HMCN1: variants seen among roughly 807,000 people sequenced by gnomAD.
HMCN1 encodes the protein hemicentin-1.
Under a neutral mutation model 625.9 loss-of-function variants are expected in HMCN1, and 321 were observed. The ratio of observed to expected loss-of-function variants is 0.51; its 90% CI spans 0.47 to 0.56. The LOEUF (loss-of-function observed/expected upper bound fraction) is 0.56. Ranked by LOEUF, HMCN1 falls within the 20% of genes least tolerant of loss-of-function variation. HMCN1 has a pLI of 0.00. For missense variants in HMCN1, 6,588 were observed against 6,887.3 expected (o/e 0.96, Z 1.54); for synonymous variants, 2,425 against 2,417.6 (o/e 1.00, Z -0.09).
At chr1:185,939,982 G>T (rs1466571606) in intron 11 of HMCN1, among the ~76,000 whole-genome samples, 1 of 152,012 alleles carries the variant, frequency 6.6e-6, no homozygotes, top group Admixed American at 6.5e-5. Flanking sequence ...ATATTAAAAA[G>T]TTGAGCTCTA....
intron 63 of HMCN1, among the ~76,000 whole-genome samples, chr1:186,089,678 T>C (rs191182435): frequency 1.3e-5 from 2 of 152,108 alleles, no homozygotes; most frequent in East Asian, 3.9e-4. Context: ...TTTTACCAGA[T>C]TTTTATATAC....
chr1:186,126,102 A>G (rs1226571817), intron 82 of HMCN1, among the ~76,000 whole-genome samples: 2 of 152,136 alleles, frequency 1.3e-5, no homozygotes, highest in Non-Finnish European at 2.9e-5. Context: ...GGCAATGATA[A>G]GTATCTAGAG....
chr1:186,041,738 T>A (rs946475737), intron 40 of HMCN1, among the ~76,000 whole-genome samples: 7 of 152,152 alleles, frequency 4.6e-5, no homozygotes, highest in Non-Finnish European at 1.0e-4. Context: ...TCAGCCCACA[T>A]TCCAGTATAC....
intron 4 of HMCN1, among the ~76,000 whole-genome samples, chr1:185,879,975 T>C (rs745853857): frequency 6.6e-6 from 1 of 152,094 alleles, no homozygotes; most frequent in South Asian, 2.1e-4. Flanking sequence ...TAAAGAGAGA[T>C]GGTACAAGTC....
chr1:185,783,737 A>T (rs370836371), intron 1 of HMCN1, among the ~76,000 whole-genome samples: 1 of 152,236 alleles, frequency 6.6e-6, no homozygotes, highest in Admixed American at 6.5e-5. Context: ...CGGCCATGTG[A>T]GGTGTCAGTC....
At chr1:185,900,977 G>A in intron 4 of HMCN1, among the ~76,000 whole-genome samples, 1 of 151,848 alleles carries the variant, frequency 6.6e-6, no homozygotes, top group Non-Finnish European at 1.5e-5. Context: ...GGTAAATGTT[G>A]GTAGTTCCCA....
Position 185,734,919 on chromosome 1 carries a change from A to ACTGGCTTTTGTGTTTTGTGTT in HMCN1, c.140_141insCTGGCTTTTGTGTTTTGTGTT (p.Asp47_Val48insTrpLeuLeuCysPheValPhe). The ACTGGCTTTTGTGTTTTGTGTT allele has an allele frequency of 2.5e-6, 4 of 1,614,152 alleles. No homozygotes were observed. The highest frequency in any genetic ancestry group is 2.5e-6 in the Non-Finnish European group (3 of 1,180,018). Reference sequence around the variant, plus strand: ...GCCTCCACGTTGGCTTTTGTGTTTGATGTGACTGGTTCTATGTATGATGAT... The same window carrying ACTGGCTTTTGTGTTTTGTGTT: ...GCCTCCACGTTGGCTTTTGTGTTTGACTGGCTTTTGTGTTTTGTGTTTGTGACTGGTTCTATGTATGATGAT... On this transcript the variant is annotated inframe_insertion, in exon 1 of 107. Transcript: ENST00000271588.
intron 68 of HMCN1, among the ~76,000 whole-genome samples, chr1:186,100,050 G>A (rs1660314747): frequency 1.3e-5 from 2 of 152,038 alleles, no homozygotes; most frequent in Admixed American, 6.6e-5. Context: ...GCCTGGTCTA[G>A]CATGTGGCAG....
intron 103 of HMCN1, among the ~76,000 whole-genome samples, chr1:186,175,876 C>CAAAAAAAA (rs758445916): frequency 3.3e-4 from 25 of 76,066 alleles, no homozygotes; most frequent in Middle Eastern, 7.4e-3. Context: ...AACTATGTCT[C>CAAAAAAAA]AAAAAAAAAA....
rs768384278 is a variant in HMCN1, at chr1:185,994,979, G to A, written c.3670G>A (p.Gly1224Arg). ...DGEHHVSNPD[G>R]TLSIDQATPS... is the part of the protein sequence containing the mutation. Reference sequence around the variant, plus strand: ...AGAGCACCATGTTAGCAATCCAGACGGAACTTTAAGCATCGACCAAGCCAC... The same window carrying A: ...AGAGCACCATGTTAGCAATCCAGACAGAACTTTAAGCATCGACCAAGCCAC... Residue 1224 changes from glycine to arginine, a missense_variant, in exon 24 of 107, where the codon GGA becomes AGA. This residue lies in a region of HMCN1 where 4,628 missense variants were observed against 4,853.1 expected (regional missense o/e 0.95). Coordinates refer to ENST00000271588, the MANE Select transcript of HMCN1 (RefSeq NM_031935.3). The A allele has an allele frequency of 1.7e-5, 27 of 1,613,710 alleles. No homozygotes were observed. The highest frequency in any genetic ancestry group is 1.6e-4 in the Middle Eastern group (1 of 6,084).
intron 32 of HMCN1, 72 bp downstream of exon 32, chr1:186,016,311 T>A (rs1284127681): frequency 1.4e-6 from 2 of 1,409,284 alleles, no homozygotes; most frequent in Non-Finnish European, 2.0e-6. Flanking sequence ...AATACTTTTT[T>A]GTTCATGCAA....
At chr1:186,031,568 A>T (rs568174183) in intron 36 of HMCN1, among the ~76,000 whole-genome samples, 1 of 151,730 alleles carries the variant, frequency 6.6e-6, no homozygotes, top group South Asian at 2.1e-4. Flanking sequence ...CAAATTTGGG[A>T]ACATTTCAGT....
At chr1:185,806,144 T>C (rs1414104891) in intron 1 of HMCN1, among the ~76,000 whole-genome samples, 2 of 152,080 alleles carry the variant, frequency 1.3e-5, no homozygotes, top group Admixed American at 6.6e-5. Context: ...AGTTCTTTCA[T>C]TTATTAACTC....
At chr1:186,104,457 T>A (rs1475264066) in intron 69 of HMCN1, among the ~76,000 whole-genome samples, 1 of 152,220 alleles carries the variant, frequency 6.6e-6, no homozygotes, top group African/African-American at 2.4e-5. Context: ...AATAACAAAT[T>A]ATTTGATCAT....
At chr1:186,177,670 A>T (rs1293869) in intron 103 of HMCN1, among the ~76,000 whole-genome samples, 149,414 of 152,312 alleles carry the variant, frequency 0.98, 73,289 homozygotes, top group East Asian at 1. Flanking sequence ...TTACTTTTTT[A>T]AAATTATATG....
Position 186,039,805 on chromosome 1 carries a change from A to G in HMCN1, c.6106A>G (p.Arg2036Gly). ...NNPVRLECEA[R>G]GIPAPSLTWL... ...CCCGGTGAGGTTAGAATGTGAAGCC[A>G]GAGGTATTCCTGCCCCAAGTCTGAC... The change falls in exon 39 of 107, where the codon AGA (arginine) becomes GGA (glycine). Residue 2036 changes from arginine (R) to glycine (G), a missense_variant. Physicochemically the swap from Arg to Gly is moderately radical, Grantham distance 125. This residue lies in a region of HMCN1 where 4,628 missense variants were observed against 4,853.1 expected (regional missense o/e 0.95). Coordinates refer to ENST00000271588, the MANE Select transcript of HMCN1 (RefSeq NM_031935.3). 1 of 1,613,576 alleles carries G rather than the reference A, an allele frequency of 6.2e-7. No individual in the cohort carries two copies. The highest frequency in any genetic ancestry group is 8.5e-7 in the Non-Finnish European group (1 of 1,179,636).
intron 1 of HMCN1, among the ~76,000 whole-genome samples, chr1:185,794,196 G>A (rs1658200021): frequency 6.6e-6 from 1 of 151,976 alleles, no homozygotes; most frequent in South Asian, 2.1e-4. Context: ...AAAAAATCTT[G>A]TTGAAAATAG....
intron 35 of HMCN1, among the ~76,000 whole-genome samples, chr1:186,020,214 T>C (rs1039303295): frequency 1.3e-5 from 2 of 148,744 alleles, no homozygotes; most frequent in Non-Finnish European, 3.0e-5. Flanking sequence ...TCTCAGTACA[T>C]ATTTGTTAAA....
chr1:185,743,994 T>G (rs929596940), intron 1 of HMCN1, among the ~76,000 whole-genome samples: 3 of 141,562 alleles, frequency 2.1e-5, no homozygotes, highest in Admixed American at 7.0e-5. Context: ...TTTTTTTTTT[T>G]TTTTTTTTTT....
Sources: allele counts gnomAD v4.1 joint callset (sites outside exome capture counted in the v4.1 genomes callset), GRCh38; gene constraint gnomAD v4.1.1; regional missense constraint gnomAD v4.1.1; transcripts MANE v1.5; gene names NCBI Gene and HGNC (gene_info 2026-07-23, HGNC 2026-07-21).